The following RHOH variants were observed in gnomAD, a reference collection of about 807,000 sequenced individuals.
RHOH encodes ras homolog family member H.
A neutral mutation model predicts 13.8 loss-of-function variants in RHOH; 6 were observed. That is an observed-to-expected ratio of 0.44 (90% CI 0.24 to 0.86). The LOEUF (loss-of-function observed/expected upper bound fraction) is 0.86, where lower values mean the gene tolerates loss of function less well. RHOH is among the 40% of genes least tolerant of loss of function. RHOH has a pLI of 0.24. For missense variants in RHOH, 147 were observed against 244.5 expected (o/e 0.60, Z 2.66); for synonymous variants, 117 against 103.0 (o/e 1.14, Z -0.82).
In RHOH at chr4:40,240,863, A is replaced by T. The variant is rs187714213; in HGVS notation, c.-330-1851A>T. On this transcript the variant is annotated intron_variant, in intron 1 of 2. Coordinates refer to ENST00000381799, the MANE Select transcript of RHOH (RefSeq NM_004310.5). Reference sequence around the variant, plus strand: ...TTCTGGCCCTGCTACACTGGGGTCAAATAAAACTTAAGGCCAGGTGCAGTA... The same window carrying T: ...TTCTGGCCCTGCTACACTGGGGTCATATAAAACTTAAGGCCAGGTGCAGTA... Among the ~76,000 whole-genome samples the T allele has an allele frequency of 1.7e-3, 248 of 149,140 alleles. 3 individuals carry two copies. Among genetic ancestry groups the T allele is most frequent in the Non-Finnish European group, 3.2e-3 (216 of 67,918 alleles).
At chr4:40,203,368 C>T (rs185882552) in intron 1 of RHOH, among the ~76,000 whole-genome samples, 10 of 152,278 alleles carry the variant, frequency 6.6e-5, no homozygotes, top group Admixed American at 2.6e-4. Context: ...CATTCTGATA[C>T]GGTTGGTCTA....
intron 1 of RHOH, among the ~76,000 whole-genome samples, chr4:40,201,104 A>G (rs1033103721): frequency 6.6e-6 from 1 of 152,220 alleles, no homozygotes; most frequent in Non-Finnish European, 1.5e-5. Flanking sequence ...AGAACTACGT[A>G]TAGTCATCCA....
rs1374032243 is a variant in RHOH, at chr4:40,246,821, T to C, written c.*2859T>C. On this transcript the variant is annotated 3_prime_UTR_variant, in exon 3 of 3. Transcript: ENST00000381799. ...TTGTGTGTTCTACATAAGCACATAC[T>C]TACTTTTGCCTGCCTAGATGCAGAC... is the stretch of plus-strand genomic sequence containing the variant. 9.9e-5 allele frequency: 15 copies of C among 152,246 alleles called. No individual in the cohort carries two copies. The highest frequency in any genetic ancestry group is 9.8e-4 in the Admixed American group (15 of 15,288). The allele number at this position is 152,246 out of a possible 1,614,324, so 9.4% of individuals were successfully genotyped here.
chr4:40,237,989 T>A (rs1728784784), intron 1 of RHOH, among the ~76,000 whole-genome samples: 1 of 152,216 alleles, frequency 6.6e-6, no homozygotes, highest in Admixed American at 6.5e-5. Context: ...ATGTACAAAG[T>A]ATTGTAAAAG....
intron 1 of RHOH, among the ~76,000 whole-genome samples, chr4:40,233,223 A>G (rs1054500201): frequency 6.6e-6 from 1 of 152,186 alleles, no homozygotes; most frequent in Admixed American, 6.5e-5. Flanking sequence ...TCATTATTTT[A>G]TTTTAATTTT....
intron 1 of RHOH, among the ~76,000 whole-genome samples, chr4:40,227,547 G>GT (rs1048098157): frequency 4.6e-5 from 7 of 151,932 alleles, no homozygotes; most frequent in Admixed American, 2.6e-4. Flanking sequence ...ATCATGCTGA[G>GT]TTTTTTTTCC....
At chr4:40,192,920 T>C (rs928883183), upstream of RHOH, 5 of 152,262 alleles carry the variant, frequency 3.3e-5, no homozygotes, top group Non-Finnish European at 5.9e-5. Context: ...TGCAAATCAT[T>C]TAACCAGCTG....
At chr4:40,193,687 A>T (rs987807286), upstream of RHOH, 1 of 152,390 alleles carries the variant, frequency 6.6e-6, no homozygotes, top group Non-Finnish European at 1.5e-5. Flanking sequence ...CAGGAGCAGG[A>T]GGAAGCCCAA....
chr4:40,194,542 A>G (rs568825624), upstream of RHOH, among the ~76,000 whole-genome samples: 1 of 151,010 alleles, frequency 6.6e-6, no homozygotes, highest in Non-Finnish European at 1.5e-5. Context: ...TGTCATTGTT[A>G]TTATTAGTAT....
intron 1 of RHOH, among the ~76,000 whole-genome samples, chr4:40,224,205 T>C (rs1726956183): frequency 6.6e-6 from 1 of 152,272 alleles, no homozygotes; most frequent in African/African-American, 2.4e-5. Context: ...ATACCCTTCC[T>C]GGGCAATACG....
chr4:40,239,606 C>G (rs1264513102), intron 1 of RHOH, among the ~76,000 whole-genome samples: 1 of 152,220 alleles, frequency 6.6e-6, no homozygotes, highest in Non-Finnish European at 1.5e-5. Context: ...AGGCCAGGCA[C>G]AGTGGCTCAC....
chr4:40,194,554 A>G (rs929870729), upstream of RHOH, among the ~76,000 whole-genome samples: 1 of 151,352 alleles, frequency 6.6e-6, no homozygotes, highest in Non-Finnish European at 1.5e-5. Flanking sequence ...TATTAGTATT[A>G]TTTTAGAGAC....
Position 40,237,379 on chromosome 4 carries a change from C to T in RHOH, c.-330-5335C>T, listed in dbSNP as rs575026590. 3.6e-4 allele frequency among the ~76,000 whole-genome samples: 54 copies of T among 151,760 alleles called. 1 individual carries two copies. Among genetic ancestry groups the T allele is most frequent in the African/African-American group, 1.2e-3 (50 of 41,260 alleles). On this transcript the variant is annotated intron_variant, in intron 1 of 2. Coordinates refer to ENST00000381799, the MANE Select transcript of RHOH (RefSeq NM_004310.5). ...CTGAGGCAGGAGAATCACTTGAACCCGGGAGGTGGAGGCGGCAGTGAGCCA... is the reference window on the plus strand; with the variant it reads ...CTGAGGCAGGAGAATCACTTGAACCTGGGAGGTGGAGGCGGCAGTGAGCCA...
intron 1 of RHOH, among the ~76,000 whole-genome samples, chr4:40,217,231 C>T (rs1725997961): frequency 6.6e-6 from 1 of 152,158 alleles, no homozygotes; most frequent in Non-Finnish European, 1.5e-5. Flanking sequence ...AGGGGTTAAT[C>T]CTGACCCAGG....
At chr4:40,192,997 C>T (rs1722767836), upstream of RHOH, 1 of 152,370 alleles carries the variant, frequency 6.6e-6, no homozygotes, top group Non-Finnish European at 1.5e-5. Flanking sequence ...AGCTGTGAGG[C>T]TGTGAGATGG....
intron 1 of RHOH, among the ~76,000 whole-genome samples, chr4:40,239,536 G>GT (rs1387055222): frequency 6.6e-6 from 1 of 152,162 alleles, no homozygotes; most frequent in Non-Finnish European, 1.5e-5. Flanking sequence ...TACTTACTGT[G>GT]TGTTTACTAT....
chr4:40,201,207 T>C (rs1162114062), intron 1 of RHOH, among the ~76,000 whole-genome samples: 1 of 152,134 alleles, frequency 6.6e-6, no homozygotes, highest in Non-Finnish European at 1.5e-5. Context: ...TGAGGGTGGG[T>C]AGACAGAATT....
intron 1 of RHOH, among the ~76,000 whole-genome samples, chr4:40,206,303 T>C (rs1353216007): frequency 6.6e-6 from 1 of 152,204 alleles, no homozygotes; most frequent in East Asian, 1.9e-4. Flanking sequence ...ACGAACCTTT[T>C]TCTCCCTTTC....
chr4:40,210,293 C>T (rs1725115310), intron 1 of RHOH, among the ~76,000 whole-genome samples: 1 of 152,230 alleles, frequency 6.6e-6, no homozygotes, highest in Non-Finnish European at 1.5e-5. Flanking sequence ...GGATTCATTT[C>T]TCCACGTAAC....
Sources: gnomAD v4.1 joint callset for allele counts (sites outside exome capture counted in the v4.1 genomes callset) on GRCh38, gnomAD v4.1.1 for gene constraint, MANE v1.5 for transcripts, NCBI Gene and HGNC (gene_info 2026-07-23, HGNC 2026-07-21) for gene names.